ATP8A2: variants seen among roughly 807,000 people sequenced by gnomAD.
The protein encoded by ATP8A2 is phospholipid-transporting ATPase IB.
Under a neutral mutation model 165.6 loss-of-function variants are expected in ATP8A2, and 100 were observed. The ratio of observed to expected loss-of-function variants is 0.60; its 90% CI spans 0.51 to 0.71. The LOEUF (loss-of-function observed/expected upper bound fraction) is 0.71, where lower values mean the gene tolerates loss of function less well. ATP8A2 is among the 30% of genes least tolerant of loss of function. ATP8A2 has a pLI of 0.00. For synonymous variants in ATP8A2, 543 were observed against 548.8 expected, an observed-to-expected ratio of 0.99 and a Z score of 0.15; for missense variants, 1,227 against 1,479.5, an observed-to-expected ratio of 0.83 and a Z score of 2.80.
At chr13:25,892,410 T>C (rs1953393077) in intron 33 of ATP8A2, among the ~76,000 whole-genome samples, 1 of 151,770 alleles carries the variant, frequency 6.6e-6, no homozygotes, top group Admixed American at 6.6e-5. Context: ...ACTTGATGCC[T>C]GTGAAAAATA....
chr13:25,570,495 G>T (rs1260054359), intron 16 of ATP8A2, among the ~76,000 whole-genome samples: 2 of 152,200 alleles, frequency 1.3e-5, no homozygotes, highest in East Asian at 3.9e-4. Flanking sequence ...GTACAGGAAG[G>T]CTCTTTCGTC....
chr13:25,427,122 G>A (rs929984145), intron 1 of ATP8A2, among the ~76,000 whole-genome samples: 4 of 152,168 alleles, frequency 2.6e-5, no homozygotes, highest in Admixed American at 2.6e-4. Flanking sequence ...CTGCAGAGCA[G>A]GAAGTGAGCA....
At chr13:25,958,246 A>G (rs141175109) in intron 33 of ATP8A2, among the ~76,000 whole-genome samples, 2,236 of 152,074 alleles carry the variant, frequency 0.015, 69 homozygotes, top group African/African-American at 0.052. Context: ...GTGTATACCT[A>G]TATAACAAAC....
At chr13:25,988,633 C>T (rs540482786) in intron 35 of ATP8A2, among the ~76,000 whole-genome samples, 2 of 152,296 alleles carry the variant, frequency 1.3e-5, no homozygotes, top group African/African-American at 4.8e-5. Flanking sequence ...TTCCAAAGTG[C>T]CCAGGACTGC....
At chr13:25,988,874 C>G (rs1345500036) in intron 35 of ATP8A2, among the ~76,000 whole-genome samples, 7 of 152,336 alleles carry the variant, frequency 4.6e-5, no homozygotes, top group Middle Eastern at 3.4e-3. Flanking sequence ...ATTTGCAATT[C>G]TTATGGAGGG....
intron 33 of ATP8A2, among the ~76,000 whole-genome samples, chr13:25,904,692 T>C (rs1953876497): frequency 6.6e-6 from 1 of 152,224 alleles, no homozygotes; most frequent in Non-Finnish European, 1.5e-5. Context: ...GCTCTCTCTT[T>C]TTCCTCACAT....
chr13:26,001,193 G>A (rs890989846), intron 35 of ATP8A2, among the ~76,000 whole-genome samples: 3 of 152,168 alleles, frequency 2.0e-5, no homozygotes, highest in African/African-American at 7.2e-5. Context: ...CTTTATCCCT[G>A]AAGTATGTAT....
chr13:25,697,055 T>C (rs935580139), intron 24 of ATP8A2, among the ~76,000 whole-genome samples: 1 of 152,224 alleles, frequency 6.6e-6, no homozygotes, highest in African/African-American at 2.4e-5. Context: ...CCGGTGCTGT[T>C]GGATAAATGG....
intron 27 of ATP8A2, among the ~76,000 whole-genome samples, chr13:25,798,124 A>C (rs1950534579): frequency 6.6e-6 from 1 of 152,178 alleles, no homozygotes; most frequent in South Asian, 2.1e-4. Flanking sequence ...TCCTCAATGC[A>C]AGGTTCCTTC....
chr13:25,943,311 T>G (rs1335893521), intron 33 of ATP8A2, among the ~76,000 whole-genome samples: 2 of 152,202 alleles, frequency 1.3e-5, no homozygotes, highest in Non-Finnish European at 2.9e-5. Flanking sequence ...AAAATGATTC[T>G]AGTCATGCAC....
At chr13:26,003,462 TCA>T (rs1458632553) in intron 35 of ATP8A2, among the ~76,000 whole-genome samples, 1 of 152,156 alleles carries the variant, frequency 6.6e-6, no homozygotes, top group African/African-American at 2.4e-5. Context: ...ATATTTTCTC[TCA>T]CTCTTTAGGT....
At chr13:25,558,677 G>C (rs2039053617) in intron 13 of ATP8A2, among the ~76,000 whole-genome samples, 1 of 152,044 alleles carries the variant, frequency 6.6e-6, no homozygotes, top group African/African-American at 2.4e-5. Context: ...TTTCTCAAAT[G>C]TTACGTGTAG....
At chr13:25,677,320 A>G (rs1254144579) in intron 24 of ATP8A2, among the ~76,000 whole-genome samples, 1 of 152,240 alleles carries the variant, frequency 6.6e-6, no homozygotes, top group Non-Finnish European at 1.5e-5. Flanking sequence ...AGAAAGTTTT[A>G]TTGGACAACA....
rs538187194 is a variant in ATP8A2 at position 25,968,936 on chromosome 13, G to A, written c.3377+257G>A. Among the ~76,000 whole-genome samples the A allele has an allele frequency of 3.9e-5, 6 of 152,210 alleles. No individual in the cohort carries two copies. The East Asian group carries it at 7.7e-4, about 20-fold the overall frequency. The stretch of plus-strand genomic sequence containing the variant: ...CAAAACAACTCATGTGCAGAAAATC[G>A]ATGTTGTGGCAGTATTATCTTAAGG... On this transcript the variant is annotated intron_variant, in intron 35 of 36. Coordinates refer to ENST00000381655, the MANE Select transcript of ATP8A2 (RefSeq NM_016529.6).
chr13:25,579,337 C>T (rs1018445152), intron 21 of ATP8A2, among the ~76,000 whole-genome samples: 2 of 152,192 alleles, frequency 1.3e-5, no homozygotes, highest in East Asian at 1.9e-4. Flanking sequence ...GCTGGAGCCA[C>T]ACTCAAGTGC....
At chr13:25,493,967 C>T (rs1354681341) in intron 2 of ATP8A2, among the ~76,000 whole-genome samples, 23 of 151,892 alleles carry the variant, frequency 1.5e-4, no homozygotes, top group Admixed American at 1.4e-3. Context: ...CTTTGGGAGT[C>T]GGTTTGTGTG....
intron 1 of ATP8A2, among the ~76,000 whole-genome samples, chr13:25,460,210 AAAAC>A (rs947038999): frequency 1.3e-5 from 2 of 152,178 alleles, no homozygotes; most frequent in African/African-American, 4.8e-5. Context: ...CAAACAAACA[AAAAC>A]AAACAAAGAA....
chr13:25,744,993 T>G (rs1420767202), intron 25 of ATP8A2, among the ~76,000 whole-genome samples: 2 of 151,942 alleles, frequency 1.3e-5, no homozygotes, highest in Non-Finnish European at 2.9e-5. Context: ...CAGGCTGGAG[T>G]GCAGTGGCAC....
At chr13:25,556,930 T>A (rs1448040057) in intron 13 of ATP8A2, among the ~76,000 whole-genome samples, 6 of 152,214 alleles carry the variant, frequency 3.9e-5, no homozygotes, top group African/African-American at 1.4e-4. Flanking sequence ...GCAGGCGACA[T>A]GGCTCATTGA....
Sources: allele counts gnomAD v4.1 joint callset (sites outside exome capture counted in the v4.1 genomes callset), GRCh38; gene constraint gnomAD v4.1.1; transcripts MANE v1.5; gene names NCBI Gene and HGNC (gene_info 2026-07-23, HGNC 2026-07-21).